Variants in KRT6B observed in about 807,000 individuals in gnomAD.
KRT6B encodes the protein keratin, type II cytoskeletal 6B.
A neutral mutation model predicts 44.7 loss-of-function variants in KRT6B; 29 were observed. The ratio of observed to expected loss-of-function variants is 0.65; its 90% confidence interval spans 0.48 to 0.88. KRT6B has a LOEUF of 0.88. KRT6B is among the 40% of genes least tolerant of loss of function. The probability of loss-of-function intolerance (pLI) is 0.00; values close to 1 mark genes in which losing one functional copy is unlikely to be tolerated. For missense variants in KRT6B, 600 were observed against 724.0 expected, an observed-to-expected ratio of 0.83 and a Z score of 1.97; for synonymous variants, 213 against 296.0, an observed-to-expected ratio of 0.72 and a Z score of 2.88.
At chr12:52,448,035 G>A (rs759983648) in intron 6 of KRT6B, 37 bp from the exon 7 acceptor site, 5 of 1,613,474 alleles carry the variant, frequency 3.1e-6, no homozygotes, top group Non-Finnish European at 3.4e-6. Context: ...CTTGTCATCT[G>A]GTCTTCCAGA....
Position 52,447,043 on chromosome 12 carries a change from T to C in KRT6B, c.*147A>G. The stretch of plus-strand genomic sequence containing the variant: ...AACAGGAGCTCAGTGGAACAGGTAT[T>C]GATGAGAAGAAAAGTGAGGGCATCC... On this transcript the variant is annotated 3_prime_UTR_variant, in exon 9 of 9. Transcript: ENST00000252252. 1.1e-6 allele frequency: 1 copy of C among 932,118 alleles called. No homozygotes were observed. The highest frequency in any genetic ancestry group is 2.6e-5 in the East Asian group (1 of 39,106). The allele number at this position is 932,118 out of a possible 1,614,324, so 57.7% of individuals were successfully genotyped here. A position where few individuals can be genotyped will look rare whatever the true frequency, so the allele number is the denominator to read the frequency against.
rs909900755 is a variant in KRT6B at position 52,447,032 on chromosome 12, G to A, written c.*158C>T. On this transcript the variant is annotated 3_prime_UTR_variant, in exon 9 of 9. Transcript: ENST00000252252. ...TGATGGTAAGCAACAGGAGCTCAGT[G>A]GAACAGGTATTGATGAGAAGAAAAG... 4.8e-6 allele frequency: 4 copies of A among 834,344 alleles called. No homozygotes were observed. In the African/African-American group the frequency reaches 6.9e-5, roughly 14 times the overall value. The allele number at this position is 834,344 out of a possible 1,614,324, so 51.7% of individuals were successfully genotyped here.
intron 5 of KRT6B, 114 bp from the exon 6 acceptor site, chr12:52,449,081 G>A (rs999297230): frequency 3.4e-5 from 51 of 1,519,548 alleles, no homozygotes; most frequent in Non-Finnish European, 4.1e-5. Flanking sequence ...TTCTCCCCAA[G>A]AAACTTGAGG....
At position 52,449,326 on chromosome 12, in the gene KRT6B, T is replaced by G. The variant is rs1277620843; in HGVS notation, c.1077+143A>C. The G allele has an allele frequency of 5.2e-6, 7 of 1,335,184 alleles. No homozygotes were observed. In the African/African-American group the frequency reaches 7.2e-5, roughly 14 times the overall value. 82.7% of individuals were successfully genotyped at this position (1,335,184 alleles called of 1,614,324 possible). A position where few individuals can be genotyped will look rare whatever the true frequency, so the allele number is the denominator to read the frequency against. ...TTGACTTGGGCATAAGTTCCGCAAATGTCTACTCTAATAGTGCAGAGTGCA... is the reference window on the plus strand; with the variant it reads ...TTGACTTGGGCATAAGTTCCGCAAAGGTCTACTCTAATAGTGCAGAGTGCA... On this transcript the variant is annotated intron_variant, in intron 5 of 8. Transcript: ENST00000252252.
chr12:52,450,640 G>T lies in KRT6B; in HGVS notation c.541-20C>A, dbSNP rs1309880143. On this transcript the variant is annotated intron_variant, in intron 1 of 8. Coordinates refer to ENST00000252252, the MANE Select transcript of KRT6B (RefSeq NM_005555.4). ...CCGCACCTGGAGGGGAAGCAAAATG[G>T]TCATTTTCCAGGAAAAGGAAGGCAG... The T allele has an allele frequency of 2.2e-5, 35 of 1,614,030 alleles. No homozygotes were observed. The highest frequency in any genetic ancestry group is 3.0e-5 in the Non-Finnish European group (35 of 1,179,930).
In KRT6B at chr12:52,446,706, G is replaced by C. The variant is rs1940315943; in HGVS notation, c.*484C>G. ...AACAAAAGAAGGCAAAGAGAGCAGA[G>C]AAAGCAGTGCAGGAATGCAGACTGC... On this transcript the variant is annotated 3_prime_UTR_variant, in exon 9 of 9. Transcript: ENST00000252252. 1 of 179,696 alleles carries C rather than the reference G, an allele frequency of 5.6e-6. No homozygotes were observed. The highest frequency in any genetic ancestry group is 1.2e-5 in the Non-Finnish European group (1 of 83,968). The allele number at this position is 179,696 out of a possible 1,614,324, so 11.1% of individuals were successfully genotyped here. A position where few individuals can be genotyped will look rare whatever the true frequency, so the allele number is the denominator to read the frequency against.
chr12:52,450,021 A>G lies in KRT6B; in HGVS notation c.807T>C (p.Thr269=). The change falls in exon 3 of 9, where the codon ACT becomes ACC. Residue 269 remains threonine (T), a synonymous_variant. Coordinates refer to ENST00000252252, the MANE Select transcript of KRT6B (RefSeq NM_005555.4). Reference sequence around the variant, plus strand: ...GGCTTCATCTGCTCACCTTCTTCAGAGTCACAAATTCATTCTCTGCTGCTG... The same window carrying G: ...GGCTTCATCTGCTCACCTTCTTCAGGGTCACAAATTCATTCTCTGCTGCTG... ...KRTAAENEFV[T]LKKDVDAAYM... The G allele has an allele frequency of 6.2e-7, 1 of 1,614,024 alleles. No individual in the cohort carries two copies. Among genetic ancestry groups the G allele is most frequent in the Non-Finnish European group, 8.5e-7 (1 of 1,179,884 alleles).
intron 6 of KRT6B, among the ~76,000 whole-genome samples, chr12:52,448,371 T>G (rs1451708268): frequency 6.6e-6 from 1 of 152,194 alleles, no homozygotes; most frequent in Non-Finnish European, 1.5e-5. Context: ...GTGATGAGTT[T>G]TCACATGAGG....
Position 52,447,521 on chromosome 12 carries a change from G to T in KRT6B, c.1459+18C>A. The T allele has an allele frequency of 6.2e-7, 1 of 1,614,048 alleles. No individual in the cohort carries two copies. The highest frequency in any genetic ancestry group is 1.1e-5 in the South Asian group (1 of 91,082). Reference sequence around the variant, plus strand: ...GAGAGTGCAAGGGCAGGGGAGGAAGGCAAACAAAGGTACTTACAGATGTTG... The same window carrying T: ...GAGAGTGCAAGGGCAGGGGAGGAAGTCAAACAAAGGTACTTACAGATGTTG... On this transcript the variant is annotated intron_variant, in intron 8 of 8. Coordinates refer to ENST00000252252, the MANE Select transcript of KRT6B (RefSeq NM_005555.4).
At position 52,447,090 on chromosome 12, in the gene KRT6B, G is replaced by A; in HGVS notation, c.*100C>T. 6.7e-7 allele frequency: 1 copy of A among 1,484,676 alleles called. No homozygotes were observed. The highest frequency in any genetic ancestry group is 9.3e-7 in the Non-Finnish European group (1 of 1,080,842). The allele number at this position is 1,484,676 out of a possible 1,614,324, so 92.0% of individuals were successfully genotyped here. On this transcript the variant is annotated 3_prime_UTR_variant, in exon 9 of 9. Transcript: ENST00000252252. Reference sequence around the variant, plus strand: ...ATCCCAGCTCTACCCGGGAGGGCAGGGGAGACTGGAGGCCAGGGGAGGACA... The same window carrying A: ...ATCCCAGCTCTACCCGGGAGGGCAGAGGAGACTGGAGGCCAGGGGAGGACA...
rs745342507 is a variant in KRT6B, at chr12:52,447,586, A to G, written c.1425-13T>C. 3 of 1,613,986 alleles carry G rather than the reference A, an allele frequency of 1.9e-6. No individual in the cohort carries two copies. Among genetic ancestry groups the G allele is most frequent in the Non-Finnish European group, 2.5e-6 (3 of 1,179,858 alleles). ...TTCGCCATTCAGCCTGTGGAGAGGA[A>G]CACAGGGAGGGTGAGACCTTCCCTG... is the stretch of plus-strand genomic sequence containing the variant. On this transcript the variant is annotated splice_polypyrimidine_tract_variant and intron_variant, in intron 7 of 8. Coordinates refer to ENST00000252252, the MANE Select transcript of KRT6B (RefSeq NM_005555.4).
At chr12:52,447,649 T>C (rs1221126830) in intron 7 of KRT6B, 76 bp from the exon 8 acceptor site, 4 of 1,613,914 alleles carry the variant, frequency 2.5e-6, no homozygotes, top group South Asian at 1.1e-5. Flanking sequence ...GGAAAGTCCA[T>C]GGGAAAACTT....
At position 52,446,804 on chromosome 12, in the gene KRT6B, A is replaced by G; in HGVS notation, c.*386T>C. The G allele has an allele frequency of 3.5e-6, 1 of 284,708 alleles. No homozygotes were observed. 17.6% of individuals were successfully genotyped at this position (284,708 alleles called of 1,614,324 possible). ...CAGGACAACTGACTTGTCAGATGAG[A>G]ACTCCTGAGTGTAGCTATAATGGGC... On this transcript the variant is annotated 3_prime_UTR_variant, in exon 9 of 9. Transcript: ENST00000252252.
At chr12:52,450,924 A>T (rs1268286866) in intron 1 of KRT6B, among the ~76,000 whole-genome samples, 1 of 152,226 alleles carries the variant, frequency 6.6e-6, no homozygotes, top group Admixed American at 6.5e-5. Context: ...TAAAAATACT[A>T]ATTACCTGAT....
At chr12:52,449,665 A>G in intron 4 of KRT6B, 32 bp from the exon 5 acceptor site, 1 of 1,614,140 alleles carries the variant, frequency 6.2e-7, no homozygotes, top group Non-Finnish European at 8.5e-7. Flanking sequence ...GATCAACTTC[A>G]CTTCTGACAT....
rs1003565476 is a variant in KRT6B, at chr12:52,446,838, T to A, written c.*352A>T. 3 of 348,568 alleles carry A rather than the reference T, an allele frequency of 8.6e-6. No homozygotes were observed. The highest frequency in any genetic ancestry group is 3.5e-5 in the South Asian group (1 of 28,322). 21.6% of individuals were successfully genotyped at this position (348,568 alleles called of 1,614,324 possible). ...GTGTAGCTATAATGGGCAGGATGGTTAGCAATTAAAGAGAGGACTCCTCAT... is the reference window on the plus strand; with the variant it reads ...GTGTAGCTATAATGGGCAGGATGGTAAGCAATTAAAGAGAGGACTCCTCAT... On this transcript the variant is annotated 3_prime_UTR_variant, in exon 9 of 9. Coordinates refer to ENST00000252252, the MANE Select transcript of KRT6B (RefSeq NM_005555.4).
At chr12:52,450,682 C>T in intron 1 of KRT6B, 62 bp from the exon 2 acceptor site, 3 of 1,612,806 alleles carry the variant, frequency 1.9e-6, no homozygotes, top group Non-Finnish European at 2.5e-6. Context: ...TGTCTGGTAT[C>T]CAGTTTCCTG....
rs1940317097 is a variant in KRT6B at position 52,446,815 on chromosome 12, G to A, written c.*375C>T. The A allele has an allele frequency of 6.4e-6, 2 of 310,792 alleles. No individual in the cohort carries two copies. Among genetic ancestry groups the A allele is most frequent in the African/African-American group, 2.1e-5 (1 of 47,220 alleles). 19.3% of individuals were successfully genotyped at this position (310,792 alleles called of 1,614,324 possible). ...ACTTGTCAGATGAGAACTCCTGAGTGTAGCTATAATGGGCAGGATGGTTAG... is the reference window on the plus strand; with the variant it reads ...ACTTGTCAGATGAGAACTCCTGAGTATAGCTATAATGGGCAGGATGGTTAG... On this transcript the variant is annotated 3_prime_UTR_variant, in exon 9 of 9. Transcript: ENST00000252252.
chr12:52,448,996 G>A (rs376000522), intron 5 of KRT6B, 29 bp from the exon 6 acceptor site: 6 of 1,609,320 alleles, frequency 3.7e-6, no homozygotes. Flanking sequence ...GAGAGAGACA[G>A]TGTCTACGGG....
Sources: gnomAD v4.1 joint callset for allele counts (sites outside exome capture counted in the v4.1 genomes callset) on GRCh38, gnomAD v4.1.1 for gene constraint, MANE v1.5 for transcripts, NCBI Gene and HGNC (gene_info 2026-07-23, HGNC 2026-07-21) for gene names.